Variants in C14orf39 observed in about 807,000 individuals in gnomAD.
The protein encoded by C14orf39 is protein SIX6OS1.
C14orf39 carries 66 observed loss-of-function variants against 85.6 expected under a neutral mutation model. That is an observed-to-expected ratio of 0.77 (90% CI 0.63 to 0.95). The LOEUF (loss-of-function observed/expected upper bound fraction) is 0.95, where lower values mean the gene tolerates loss of function less well. Ranked by LOEUF, C14orf39 falls within the 40% of genes least tolerant of loss-of-function variation. The pLI, the probability that C14orf39 is intolerant of heterozygous loss-of-function variation, is 0.00. For missense variants in C14orf39, 735 were observed against 663.9 expected (o/e 1.11, Z -1.18); for synonymous variants, 242 against 214.0 (o/e 1.13, Z -1.14).
intron 13 of C14orf39, among the ~76,000 whole-genome samples, chr14:60,460,876 G>C (rs1338619827): frequency 2.0e-5 from 3 of 151,612 alleles, no homozygotes; most frequent in East Asian, 1.9e-4. Context: ...ATTTATAATA[G>C]TAAAAGAACT....
intron 17 of C14orf39, among the ~76,000 whole-genome samples, chr14:60,438,761 C>T (rs765261771): frequency 3.3e-5 from 5 of 151,782 alleles, no homozygotes; most frequent in Admixed American, 2.6e-4. Context: ...AATTCTATCT[C>T]GAAAGATAGA....
chr14:60,438,479 T>C (rs1034278213), intron 17 of C14orf39, among the ~76,000 whole-genome samples: 1 of 152,164 alleles, frequency 6.6e-6, no homozygotes, highest in Admixed American at 6.5e-5. Flanking sequence ...GAAGTTCATA[T>C]GAAGTCTTCA....
At chr14:60,509,620 G>C (rs1361317393) in intron 1 of C14orf39, 1 of 1,613,756 alleles carries the variant, frequency 6.2e-7, no homozygotes, top group Non-Finnish European at 8.5e-7. Flanking sequence ...ATCATATCCT[G>C]GAAAACCACA....
intron 5 of C14orf39, among the ~76,000 whole-genome samples, 165 bp from the exon 6 acceptor site, chr14:60,471,904 C>T (rs1411351769): frequency 6.6e-6 from 1 of 151,964 alleles, no homozygotes; most frequent in Non-Finnish European, 1.5e-5. Flanking sequence ...CTCCACCACA[C>T]TTCTCAACTT....
intron 1 of C14orf39, 113 bp from the exon 2 acceptor site, chr14:60,485,199 A>C: frequency 1.1e-6 from 1 of 871,470 alleles, no homozygotes; most frequent in Non-Finnish European, 1.7e-6. Context: ...ATGTGGGCAG[A>C]GCCAGAACTG....
intron 3 of C14orf39, 137 bp from the exon 4 acceptor site, chr14:60,483,954 G>A: frequency 1.7e-6 from 1 of 580,474 alleles, no homozygotes; most frequent in Non-Finnish European, 2.9e-6. Flanking sequence ...GGCTTGAGAT[G>A]GGTGGGACCG....
At position 60,491,544 on chromosome 14, in the gene C14orf39, T is replaced by C. The variant is rs767469490; in HGVS notation, c.-8-6458A>G. Among the ~76,000 whole-genome samples the C allele has an allele frequency of 2.6e-5, 4 of 152,198 alleles. No homozygotes were observed. The highest frequency in any genetic ancestry group is 4.8e-5 in the African/African-American group (2 of 41,444). On this transcript the variant is annotated intron_variant, in intron 2 of 5. Coordinates refer to the C14orf39 transcript ENST00000556799. This position sits in a 1 kb window ranked among gnomAD's most constrained non-coding sequence, Gnocchi z 4.5. ...TTTCATTAATGAGACCAGAATCTAT[T>C]TGTGCATACCAGAAACCTAGACCGT... is the stretch of plus-strand genomic sequence containing the variant.
chr14:60,458,871 C>T lies in C14orf39; in HGVS notation c.1118-132G>A, dbSNP rs1891396505. ...AAAATGGCAACTTCATATGGTTCAA[C>T]ATAATACATACAGATAAGAGAATAA... On this transcript the variant is annotated intron_variant, in intron 13 of 17. Transcript: ENST00000321731. 1.2e-5 allele frequency: 7 copies of T among 604,482 alleles called. No individual in the cohort carries two copies. In the East Asian group the frequency reaches 2.0e-4, roughly 17 times the overall value. 37.4% of individuals were successfully genotyped at this position (604,482 alleles called of 1,614,324 possible). A position where few individuals can be genotyped will look rare whatever the true frequency, so the allele number is the denominator to read the frequency against.
At position 60,506,125 on chromosome 14, in the gene C14orf39, C is replaced by T. The variant is rs114110833; in HGVS notation, c.-143-6695G>A. 3.9e-3 allele frequency among the ~76,000 whole-genome samples: 588 copies of T among 152,244 alleles called. 7 individuals are homozygous for T. Among genetic ancestry groups the T allele is most frequent in the African/African-American group, 0.013 (559 of 41,550 alleles). Reference sequence around the variant, plus strand: ...AGCTGAGTAGACGTCTATGGATTCCCGGCAAGACCCGAGCCTTTGTCCAAG... The same window carrying T: ...AGCTGAGTAGACGTCTATGGATTCCTGGCAAGACCCGAGCCTTTGTCCAAG... On this transcript the variant is annotated intron_variant, in intron 1 of 5. Coordinates refer to the C14orf39 transcript ENST00000556799.
chr14:60,461,614 A>C (rs747234045), intron 11 of C14orf39, 21 bp from the exon 12 acceptor site: 1 of 1,484,314 alleles, frequency 6.7e-7, no homozygotes, highest in East Asian at 2.3e-5. Flanking sequence ...GAAATTAAGC[A>C]TCTGACTTGG....
intron 16 of C14orf39, among the ~76,000 whole-genome samples, chr14:60,449,194 G>A (rs1039675425): frequency 1.3e-5 from 2 of 151,948 alleles, no homozygotes; most frequent in Non-Finnish European, 1.5e-5. Flanking sequence ...TTTAAAAAAA[G>A]AAGTTTAGAT....
At chr14:60,441,908 A>G (rs909481272) in intron 17 of C14orf39, among the ~76,000 whole-genome samples, 166 bp downstream of exon 17, 6 of 152,144 alleles carry the variant, frequency 3.9e-5, no homozygotes, top group Non-Finnish European at 5.9e-5. Flanking sequence ...GTAGTGAGAA[A>G]AGCTAATTGC....
At chr14:60,441,395 A>C (rs1300175679) in intron 17 of C14orf39, among the ~76,000 whole-genome samples, 1 of 152,188 alleles carries the variant, frequency 6.6e-6, no homozygotes, top group Non-Finnish European at 1.5e-5. Flanking sequence ...CTCTCAATGA[A>C]ACAAGGATGC....
upstream of C14orf39, among the ~76,000 whole-genome samples, chr14:60,488,849 T>C (rs770615054): frequency 6.6e-6 from 1 of 152,072 alleles, no homozygotes; most frequent in Non-Finnish European, 1.5e-5. Flanking sequence ...TTTTTCTTAC[T>C]CTCTTCCATA....
At chr14:60,461,302 G>T in intron 13 of C14orf39, 52 bp downstream of exon 13, 2 of 1,456,178 alleles carry the variant, frequency 1.4e-6, no homozygotes, top group South Asian at 1.2e-5. Flanking sequence ...GTAAAAACCT[G>T]ATATAATTTG....
chr14:60,497,713 TA>T (rs1461200177), intron 2 of C14orf39, among the ~76,000 whole-genome samples: 2 of 152,008 alleles, frequency 1.3e-5, no homozygotes, highest in Non-Finnish European at 2.9e-5. Flanking sequence ...CCATCTCTAC[TA>T]AAACTATTTT....
intron 1 of C14orf39, among the ~76,000 whole-genome samples, chr14:60,514,506 C>G (rs1208516965): frequency 6.6e-6 from 1 of 152,076 alleles, no homozygotes; most frequent in South Asian, 2.1e-4. Context: ...AAAACGACGG[C>G]CCCTGCTCCC....
chr14:60,481,337 T>C (rs1455236159), intron 4 of C14orf39, among the ~76,000 whole-genome samples: 1 of 152,160 alleles, frequency 6.6e-6, no homozygotes, highest in African/African-American at 2.4e-5. Flanking sequence ...TATGAAAAAT[T>C]CTCAGAAATG....
At chr14:60,488,390 T>C (rs1350863383), upstream of C14orf39, among the ~76,000 whole-genome samples, 1 of 152,184 alleles carries the variant, frequency 6.6e-6, no homozygotes, top group East Asian at 1.9e-4. Context: ...TGGAGAGTTT[T>C]AAATAAATTT....
Sources: allele counts gnomAD v4.1 joint callset (sites outside exome capture counted in the v4.1 genomes callset), GRCh38; gene constraint gnomAD v4.1.1; non-coding constraint Gnocchi (gnomAD v3.1); transcripts MANE v1.5; gene names NCBI Gene and HGNC (gene_info 2026-07-23, HGNC 2026-07-21).